SORCS3: variants seen among roughly 807,000 people sequenced by gnomAD.
The protein encoded by SORCS3 is VPS10 domain-containing receptor SorCS3.
Under a neutral mutation model 146.3 loss-of-function variants are expected in SORCS3, and 57 were observed. That is an observed-to-expected ratio of 0.39 (90% confidence interval 0.31 to 0.49). SORCS3 has a LOEUF of 0.49. Ranked by LOEUF, SORCS3 falls within the 20% of genes least tolerant of loss-of-function variation. The pLI, the probability that SORCS3 is intolerant of heterozygous loss-of-function variation, is 0.92. For synonymous variants in SORCS3, 653 were observed against 618.5 expected (o/e 1.06, Z -0.83); for missense variants, 1,341 against 1,575.5 (o/e 0.85, Z 2.52).
rs59033040 is a variant in SORCS3, at chr10:105,227,985, T to TTGTGTGTG, written c.2868+4778_2868+4785dup. The stretch of plus-strand genomic sequence containing the variant: ...TTGTAGGCAGCATATTGTGGTCATT[T>TTGTGTGTG]TGTGTGTGTGTGTGTGTGTGTGTGT... On this transcript the variant is annotated intron_variant, in intron 20 of 26. Coordinates refer to ENST00000369701, the MANE Select transcript of SORCS3 (RefSeq NM_014978.3). Among the ~76,000 whole-genome samples the TTGTGTGTG allele has an allele frequency of 2.1e-3, 265 of 128,908 alleles. 1 individual carries two copies. Among genetic ancestry groups the TTGTGTGTG allele is most frequent in the African/African-American group, 6.1e-3 (208 of 34,080 alleles). 84.6% of individuals were successfully genotyped at this position (128,908 alleles called of 152,430 possible). A position where few individuals can be genotyped will look rare whatever the true frequency, so the allele number is the denominator to read the frequency against.
At chr10:104,736,303 G>A (rs1447785528) in intron 1 of SORCS3, among the ~76,000 whole-genome samples, 2 of 152,170 alleles carry the variant, frequency 1.3e-5, no homozygotes, top group South Asian at 2.1e-4. Flanking sequence ...CGGGTTGAGG[G>A]GGGCAGGACT....
At chr10:104,820,837 C>A (rs1564691267) in intron 1 of SORCS3, among the ~76,000 whole-genome samples, 1 of 152,070 alleles carries the variant, frequency 6.6e-6, no homozygotes, top group African/African-American at 2.4e-5. Context: ...CATCAACAGT[C>A]ATATATATAA....
intron 4 of SORCS3, among the ~76,000 whole-genome samples, chr10:105,014,082 T>TACAC (rs1554868644): frequency 7.9e-6 from 1 of 125,986 alleles, no homozygotes; most frequent in Non-Finnish European, 1.6e-5. Flanking sequence ...TATATATATA[T>TACAC]ACACACATAT....
chr10:105,076,994 A>G (rs894126751), intron 5 of SORCS3, among the ~76,000 whole-genome samples: 6 of 152,180 alleles, frequency 3.9e-5, no homozygotes, highest in African/African-American at 1.4e-4. Context: ...ATCAAATTGA[A>G]TTTCTCTACC....
intron 7 of SORCS3, among the ~76,000 whole-genome samples, chr10:105,116,990 C>G (rs144954202): frequency 6.6e-6 from 1 of 151,862 alleles, no homozygotes; most frequent in African/African-American, 2.4e-5. Context: ...CCATGACATA[C>G]AATATGCCTA....
intron 4 of SORCS3, among the ~76,000 whole-genome samples, chr10:105,004,167 T>G (rs114559283): frequency 6.6e-6 from 1 of 152,116 alleles, no homozygotes; most frequent in South Asian, 2.1e-4. Context: ...CCTGACAGCA[T>G]GGACTATGTA....
At chr10:104,963,484 C>T (rs2054807623) in intron 3 of SORCS3, among the ~76,000 whole-genome samples, 1 of 152,156 alleles carries the variant, frequency 6.6e-6, no homozygotes, top group African/African-American at 2.4e-5. Flanking sequence ...TTCCTTCTCC[C>T]TCTCAGGCTC....
intron 3 of SORCS3, among the ~76,000 whole-genome samples, chr10:104,947,703 A>G (rs996471872): frequency 2.0e-5 from 3 of 152,062 alleles, no homozygotes; most frequent in Non-Finnish European, 4.4e-5. Flanking sequence ...GCTCAGTGCA[A>G]TCTCTGCCTC....
At chr10:104,949,214 T>G (rs1020000946) in intron 3 of SORCS3, among the ~76,000 whole-genome samples, 3 of 152,162 alleles carry the variant, frequency 2.0e-5, no homozygotes, top group Non-Finnish European at 4.4e-5. Context: ...TATGTTTGCT[T>G]TGTCTTTAAA....
rs4918150 is a variant in SORCS3 at position 105,135,438 on chromosome 10, G to T, written c.1213-3959G>T. Reference sequence around the variant, plus strand: ...TCTGGGCCATTGTTTCATTGATCTGGTGAGTAGCATCTGGCTGCCTTCTAG... The same window carrying T: ...TCTGGGCCATTGTTTCATTGATCTGTTGAGTAGCATCTGGCTGCCTTCTAG... On this transcript the variant is annotated intron_variant, in intron 7 of 26. Coordinates refer to ENST00000369701, the MANE Select transcript of SORCS3 (RefSeq NM_014978.3). Among the ~76,000 whole-genome samples the T allele has an allele frequency of 6.8e-4, 104 of 152,044 alleles. No homozygotes were observed. The South Asian group carries it at 7.3e-3, about 11-fold the overall frequency.
intron 18 of SORCS3, among the ~76,000 whole-genome samples, chr10:105,216,725 G>A (rs945701583): frequency 2.6e-5 from 4 of 152,116 alleles, no homozygotes; most frequent in African/African-American, 4.8e-5. Context: ...AGCTTGCCCC[G>A]AGCTTGGGCG....
intron 7 of SORCS3, among the ~76,000 whole-genome samples, chr10:105,137,453 G>A (rs919862723): frequency 6.6e-6 from 1 of 151,756 alleles, no homozygotes; most frequent in African/African-American, 2.4e-5. Flanking sequence ...ACACCGAATT[G>A]TACAGTTTAA....
intron 13 of SORCS3, among the ~76,000 whole-genome samples, chr10:105,170,195 C>G (rs1383108709): frequency 6.6e-6 from 1 of 152,088 alleles, no homozygotes; most frequent in Non-Finnish European, 1.5e-5. Context: ...CAGTCTGATC[C>G]ACAAAAGTTT....
At chr10:104,856,750 G>A (rs1439727220) in intron 2 of SORCS3, among the ~76,000 whole-genome samples, 1 of 141,452 alleles carries the variant, frequency 7.1e-6, no homozygotes, top group African/African-American at 2.6e-5. Flanking sequence ...TCTCTAATTA[G>A]ATATATATAA....
rs57736056 is a variant in SORCS3 at position 105,240,941 on chromosome 10, G to GAAA, written c.2869-4596_2869-4594dup. Among the ~76,000 whole-genome samples the GAAA allele has an allele frequency of 3.9e-3, 579 of 147,960 alleles. 10 individuals are homozygous for GAAA. In the South Asian group the frequency reaches 0.051, roughly 13 times the overall value. On this transcript the variant is annotated intron_variant, in intron 20 of 26. Transcript: ENST00000369701. ...ACACACATATACACACACAAACACT[G>GAAA]AAAAAAATATATATATATATATCTA... is the stretch of plus-strand genomic sequence containing the variant.
At chr10:105,052,157 T>C (rs2055417713) in intron 5 of SORCS3, among the ~76,000 whole-genome samples, 1 of 152,172 alleles carries the variant, frequency 6.6e-6, no homozygotes, top group Admixed American at 6.6e-5. Context: ...CATATGTAGC[T>C]AATGACTTCT....
intron 4 of SORCS3, among the ~76,000 whole-genome samples, chr10:105,027,117 C>T (rs910713332): frequency 1.3e-5 from 2 of 152,164 alleles, no homozygotes; most frequent in Non-Finnish European, 2.9e-5. Context: ...GCCACACTGG[C>T]CCATACTGTT....
intron 4 of SORCS3, among the ~76,000 whole-genome samples, chr10:105,038,519 T>C (rs906929452): frequency 2.6e-5 from 4 of 152,310 alleles, no homozygotes; most frequent in East Asian, 1.9e-4. Context: ...AATATACACA[T>C]GGTAATTAGA....
intron 2 of SORCS3, 56 bp downstream of exon 2, chr10:104,842,915 G>T: frequency 7.4e-7 from 1 of 1,355,498 alleles, no homozygotes; most frequent in East Asian, 2.3e-5. Context: ...CATGAGAAAC[G>T]CAAGCTAAGC....
Sources: allele counts gnomAD v4.1 joint callset (sites outside exome capture counted in the v4.1 genomes callset), GRCh38; gene constraint gnomAD v4.1.1; transcripts MANE v1.5; gene names NCBI Gene and HGNC (gene_info 2026-07-23, HGNC 2026-07-21).